TMEM74: variants seen among roughly 807,000 people sequenced by gnomAD.
The protein encoded by TMEM74 is transmembrane protein 74.
Under a neutral mutation model 18.1 loss-of-function variants are expected in TMEM74, and 13 were observed. That is an observed-to-expected ratio of 0.72 (90% CI 0.47 to 1.14). TMEM74 has a LOEUF of 1.14. Among genes scored for constraint, TMEM74 ranks in the 50% most tolerant of loss-of-function variants. The pLI is 0.00. For missense variants in TMEM74, 372 were observed against 375.9 expected (o/e 0.99, Z 0.09); for synonymous variants, 159 against 146.6 (o/e 1.08, Z -0.61).
chr8:108,643,115 A>G (rs1409078377), intron 2 of TMEM74, among the ~76,000 whole-genome samples: 2 of 152,178 alleles, frequency 1.3e-5, no homozygotes, highest in African/African-American at 4.8e-5. Context: ...TAAATAGCTA[A>G]TTTCAAGAGT....
chr8:108,640,055 C>G (rs889171480), intron 2 of TMEM74, among the ~76,000 whole-genome samples: 1 of 150,222 alleles, frequency 6.7e-6, no homozygotes, highest in Non-Finnish European at 1.5e-5. Context: ...CTGTCTCATT[C>G]GTAACCCCCT....
chr8:108,643,211 A>T (rs2130563639), intron 2 of TMEM74, among the ~76,000 whole-genome samples: 1 of 152,282 alleles, frequency 6.6e-6, no homozygotes, highest in Non-Finnish European at 1.5e-5. Context: ...AAGCTTTTTA[A>T]AAACACAGAT....
intron 1 of TMEM74, among the ~76,000 whole-genome samples, chr8:108,668,608 G>A (rs1812972429): frequency 6.6e-6 from 1 of 152,072 alleles, no homozygotes; most frequent in Non-Finnish European, 1.5e-5. Context: ...ACACTTCAGT[G>A]ACTTATTTTA....
intron 1 of TMEM74, among the ~76,000 whole-genome samples, chr8:108,666,977 C>T (rs1031911040): frequency 6.6e-5 from 10 of 152,150 alleles, no homozygotes; most frequent in Non-Finnish European, 4.4e-5. Flanking sequence ...GGGCTACTTA[C>T]ATCATCCATT....
intron 1 of TMEM74, among the ~76,000 whole-genome samples, chr8:108,668,564 T>A (rs1385577771): frequency 6.6e-6 from 1 of 152,126 alleles, no homozygotes; most frequent in Non-Finnish European, 1.5e-5. Context: ...CTACACTTAT[T>A]CCCATTTTAA....
At chr8:108,718,606 A>T (rs1813552798) in intron 1 of TMEM74, among the ~76,000 whole-genome samples, 1 of 152,148 alleles carries the variant, frequency 6.6e-6, no homozygotes, top group African/African-American at 2.4e-5. Context: ...TTTTGACAAC[A>T]CTAACAGAGA....
intron 1 of TMEM74, among the ~76,000 whole-genome samples, chr8:108,670,588 T>A (rs1812994816): frequency 6.6e-6 from 1 of 152,188 alleles, no homozygotes; most frequent in Non-Finnish European, 1.5e-5. Context: ...TACTTGCTTC[T>A]CAACTCCCCA....
In TMEM74 at chr8:108,672,659, G is replaced by C. The variant is rs145800795; in HGVS notation, n.120-17222C>G. The stretch of plus-strand genomic sequence containing the variant: ...CATTGGAATGTGCCAGCTGAATTTA[G>C]TATCCTTGTGATTTCAAGTCAAAGG... On this transcript the variant is annotated intron_variant and non_coding_transcript_variant, in intron 1 of 3. Coordinates refer to the TMEM74 transcript ENST00000518838. Among the ~76,000 whole-genome samples, 664 of 152,294 alleles carry C rather than the reference G, an allele frequency of 4.4e-3. 6 individuals carry two copies. The highest frequency in any genetic ancestry group is 0.012 in the African/African-American group (485 of 41,568).
chr8:108,737,479 A>T (rs1384459880), intron 1 of TMEM74, among the ~76,000 whole-genome samples: 1 of 152,182 alleles, frequency 6.6e-6, no homozygotes, highest in African/African-American at 2.4e-5. Context: ...AAACCCAAGC[A>T]TAATTTGTTG....
At chr8:108,661,737 A>G (rs997233975) in intron 1 of TMEM74, among the ~76,000 whole-genome samples, 2 of 152,100 alleles carry the variant, frequency 1.3e-5, no homozygotes, top group African/African-American at 4.8e-5. Context: ...TGATTCCACA[A>G]TGAACGGGGC....
chr8:108,635,176 C>A (rs1289661515), intron 2 of TMEM74, among the ~76,000 whole-genome samples: 2 of 151,914 alleles, frequency 1.3e-5, no homozygotes, highest in East Asian at 3.9e-4. Flanking sequence ...CCTCAAATTT[C>A]TCTCCTCATC....
At chr8:108,611,837 G>C (rs1335113978) in intron 2 of TMEM74, among the ~76,000 whole-genome samples, 2 of 152,148 alleles carry the variant, frequency 1.3e-5, no homozygotes, top group Admixed American at 1.3e-4. Context: ...TTCTCACACT[G>C]CTATGAAGAA....
chr8:108,686,418 G>T (rs1448816030), intron 1 of TMEM74, among the ~76,000 whole-genome samples: 1 of 151,866 alleles, frequency 6.6e-6, no homozygotes, highest in Non-Finnish European at 1.5e-5. Context: ...TAGCCAGGAT[G>T]GTCTCGATCT....
chr8:108,676,811 G>GGAAT (rs1563523170), intron 1 of TMEM74, among the ~76,000 whole-genome samples: 3 of 152,184 alleles, frequency 2.0e-5, no homozygotes, highest in East Asian at 1.9e-4. Context: ...GAATATTTAT[G>GGAAT]GAATGAATGA....
chr8:108,718,047 C>T lies in TMEM74; in HGVS notation n.120-62610G>A, dbSNP rs1270817121. Among the ~76,000 whole-genome samples, 3 of 71,458 alleles carry T rather than the reference C, an allele frequency of 4.2e-5. 1 individual carries two copies. The highest frequency in any genetic ancestry group is 2.8e-4 in the Admixed American group (2 of 7,020). The allele number at this position is 71,458 out of a possible 152,430, so 46.9% of individuals were successfully genotyped here. On this transcript the variant is annotated intron_variant and non_coding_transcript_variant, in intron 1 of 3. Transcript: ENST00000518838. ...GATCTCGGCTCACTGCAAGCTCCGC[C>T]TCCCGGGTTCACGCCATTCTCCCGC...
chr8:108,700,055 A>G (rs988532346), intron 1 of TMEM74, among the ~76,000 whole-genome samples: 2 of 152,154 alleles, frequency 1.3e-5, no homozygotes, highest in African/African-American at 4.8e-5. Flanking sequence ...TTATGAAAGG[A>G]TCTGCATAAG....
At chr8:108,707,769 T>C (rs988122824) in intron 1 of TMEM74, among the ~76,000 whole-genome samples, 1 of 152,174 alleles carries the variant, frequency 6.6e-6, no homozygotes, top group African/African-American at 2.4e-5. Context: ...AAAATCTTCT[T>C]GTCGTTGGTT....
chr8:108,623,970 C>G (rs1812469055), intron 2 of TMEM74, among the ~76,000 whole-genome samples: 1 of 152,010 alleles, frequency 6.6e-6, no homozygotes, highest in African/African-American at 2.4e-5. Context: ...TTATTCTTAT[C>G]TGAAAACTTT....
At chr8:108,670,571 CT>C (rs1812994727) in intron 1 of TMEM74, among the ~76,000 whole-genome samples, 1 of 152,178 alleles carries the variant, frequency 6.6e-6, no homozygotes, top group Non-Finnish European at 1.5e-5. Context: ...TATTTTGATA[CT>C]TTCTTTACTT....
Sources: gnomAD v4.1 joint callset for allele counts (sites outside exome capture counted in the v4.1 genomes callset) on GRCh38, gnomAD v4.1.1 for gene constraint, MANE v1.5 for transcripts, NCBI Gene and HGNC (gene_info 2026-07-23, HGNC 2026-07-21) for gene names.